Variants in PARD3 observed in about 807,000 individuals in gnomAD.
The protein encoded by PARD3 is partitioning defective 3 homolog.
A neutral mutation model predicts 155.4 loss-of-function variants in PARD3; 75 were observed. The observed-to-expected ratio is 0.48, with a 90% CI of 0.40 to 0.58. The LOEUF (loss-of-function observed/expected upper bound fraction) is 0.58. Ranked by LOEUF, PARD3 falls within the 20% of genes least tolerant of loss-of-function variation. PARD3 has a pLI of 0.00. For synonymous variants in PARD3, 576 were observed against 610.5 expected, an observed-to-expected ratio of 0.94 and a Z score of 0.83; for missense variants, 1,642 against 1,721.7, an observed-to-expected ratio of 0.95 and a Z score of 0.82.
At chr10:34,308,366 G>T (rs1957521042) in intron 20 of PARD3, among the ~76,000 whole-genome samples, 1 of 152,222 alleles carries the variant, frequency 6.6e-6, no homozygotes, top group Non-Finnish European at 1.5e-5. Context: ...GGCACACAGA[G>T]CTTGGACCAC....
At chr10:34,681,002 C>G (rs2093806696) in intron 2 of PARD3, among the ~76,000 whole-genome samples, 1 of 151,072 alleles carries the variant, frequency 6.6e-6, no homozygotes, top group Non-Finnish European at 1.5e-5. Context: ...AAAAAAGAAG[C>G]TACATAACCA....
rs78284664 is a variant in PARD3, at chr10:34,366,689, C to G, written c.1707+5809G>C. On this transcript the variant is annotated intron_variant, in intron 12 of 24. Coordinates refer to ENST00000374788, the MANE Select transcript of PARD3 (RefSeq NM_001184785.2). The stretch of plus-strand genomic sequence containing the variant: ...AGGTATCTGAGACAATATGAACAAC[C>G]ATTTATATTTTTAACTAAGAGAAAG... Among the ~76,000 whole-genome samples, 247 of 152,174 alleles carry G rather than the reference C, an allele frequency of 1.6e-3. 3 individuals are homozygous for G. The highest frequency in any genetic ancestry group is 5.7e-3 in the African/African-American group (237 of 41,514).
At chr10:34,363,320 G>C (rs1280938582) in intron 12 of PARD3, among the ~76,000 whole-genome samples, 3 of 93,064 alleles carry the variant, frequency 3.2e-5, no homozygotes, top group South Asian at 3.3e-4. Flanking sequence ...TTCTCCAGGG[G>C]ATAGTTTATT....
chr10:34,469,384 T>A (rs980265995), intron 4 of PARD3, among the ~76,000 whole-genome samples: 1 of 152,188 alleles, frequency 6.6e-6, no homozygotes, highest in Non-Finnish European at 1.5e-5. Context: ...GCTGAGATTA[T>A]AGGTGGGAGC....
chr10:34,165,441 T>A (rs1049312863), intron 22 of PARD3, among the ~76,000 whole-genome samples: 2 of 152,210 alleles, frequency 1.3e-5, no homozygotes, highest in African/African-American at 2.4e-5. Flanking sequence ...GCCAGAACCA[T>A]GTGTTTACTG....
rs1465454668 is a variant in PARD3 at position 34,407,037 on chromosome 10, T to C, written c.715-5120A>G. Among the ~76,000 whole-genome samples, 3 of 152,102 alleles carry C rather than the reference T, an allele frequency of 2.0e-5. No individual in the cohort carries two copies. In the East Asian group the frequency reaches 5.8e-4, roughly 29 times the overall value. ...TGGCAAGTCAACAGATGTCAGTAAC[T>C]GGTAATCAGGAAAGAGCAACATAAA... On this transcript the variant is annotated intron_variant, in intron 5 of 24. Transcript: ENST00000374788.
intron 22 of PARD3, among the ~76,000 whole-genome samples, chr10:34,215,387 T>C (rs539021698): frequency 6.6e-6 from 1 of 152,320 alleles, no homozygotes; most frequent in African/African-American, 2.4e-5. Context: ...GATAAATATG[T>C]ATTGAAAAAT....
intron 22 of PARD3, among the ~76,000 whole-genome samples, chr10:34,137,817 T>C (rs1036787344): frequency 4.6e-5 from 7 of 152,152 alleles, no homozygotes; most frequent in Non-Finnish European, 1.0e-4. Flanking sequence ...AGCCTCTCTG[T>C]AGATGTCTGA....
intron 2 of PARD3, 29 bp downstream of exon 2, chr10:34,696,288 CA>C: frequency 1.5e-6 from 2 of 1,341,160 alleles, no homozygotes; most frequent in Non-Finnish European, 2.1e-6. Flanking sequence ...AAAATGCATT[CA>C]GAACAGGTTC....
intron 10 of PARD3, among the ~76,000 whole-genome samples, chr10:34,377,036 A>G (rs528631010): frequency 1.3e-5 from 2 of 152,318 alleles, no homozygotes; most frequent in South Asian, 4.1e-4. Context: ...ACCCAAACTC[A>G]TAAGACATAG....
chr10:34,172,211 T>A (rs533850319), intron 22 of PARD3, among the ~76,000 whole-genome samples: 1 of 152,124 alleles, frequency 6.6e-6, no homozygotes, highest in Non-Finnish European at 1.5e-5. Context: ...GGCTTAGATA[T>A]AAAAGGGAAA....
At chr10:34,508,058 A>G (rs2081191880) in intron 3 of PARD3, among the ~76,000 whole-genome samples, 1 of 152,208 alleles carries the variant, frequency 6.6e-6, no homozygotes, top group Non-Finnish European at 1.5e-5. Context: ...CAATCTGTAT[A>G]TGCTTGCTAA....
intron 4 of PARD3, among the ~76,000 whole-genome samples, chr10:34,453,575 G>C (rs915007875): frequency 2.0e-5 from 3 of 152,092 alleles, no homozygotes; most frequent in Non-Finnish European, 2.9e-5. Flanking sequence ...AAATTGTTTA[G>C]GGAATGCTTC....
At chr10:34,134,446 T>C (rs991957090) in intron 22 of PARD3, among the ~76,000 whole-genome samples, 2 of 152,336 alleles carry the variant, frequency 1.3e-5, no homozygotes, top group African/African-American at 4.8e-5. Flanking sequence ...GTTGAAACCA[T>C]TGATAAAAAC....
At chr10:34,791,172 T>G (rs1048846911) in intron 1 of PARD3, among the ~76,000 whole-genome samples, 3 of 152,200 alleles carry the variant, frequency 2.0e-5, no homozygotes, top group African/African-American at 4.8e-5. Flanking sequence ...TGTGTAACAT[T>G]CTACACTGCC....
chr10:34,223,214 G>A (rs1433103083), intron 22 of PARD3, among the ~76,000 whole-genome samples: 1 of 152,170 alleles, frequency 6.6e-6, no homozygotes, highest in East Asian at 1.9e-4. Context: ...GGCAGGGTTG[G>A]AGGACAGGAT....
intron 1 of PARD3, among the ~76,000 whole-genome samples, chr10:34,811,741 T>TA (rs1564643851): frequency 6.6e-6 from 1 of 152,232 alleles, no homozygotes; most frequent in Non-Finnish European, 1.5e-5. Flanking sequence ...CATGACTTTT[T>TA]ATACACAGCA....
At chr10:34,707,150 G>A (rs1278702647) in intron 1 of PARD3, among the ~76,000 whole-genome samples, 2 of 151,806 alleles carry the variant, frequency 1.3e-5, no homozygotes, top group Non-Finnish European at 2.9e-5. Context: ...GGAAGCTGAG[G>A]TGGGATGATC....
chr10:34,211,064 C>G (rs1425771059), intron 22 of PARD3, among the ~76,000 whole-genome samples: 1 of 152,114 alleles, frequency 6.6e-6, no homozygotes, highest in East Asian at 1.9e-4. Flanking sequence ...ATCTACTTCA[C>G]CGGGTTGACG....
Sources: gnomAD v4.1 joint callset for allele counts (sites outside exome capture counted in the v4.1 genomes callset) on GRCh38, gnomAD v4.1.1 for gene constraint, MANE v1.5 for transcripts, NCBI Gene and HGNC (gene_info 2026-07-23, HGNC 2026-07-21) for gene names.